Variants in GRM5 observed in about 807,000 individuals in gnomAD.
GRM5 encodes the protein glutamate metabotropic receptor 5, also known as metabotropic glutamate receptor 5.
A neutral mutation model predicts 83.1 loss-of-function variants in GRM5; 19 were observed. The ratio of observed to expected loss-of-function variants is 0.23; its 90% CI spans 0.16 to 0.34. The LOEUF is 0.34. Ranked by LOEUF, GRM5 falls within the 10% of genes least tolerant of loss-of-function variation. The pLI, the probability that GRM5 is intolerant of heterozygous loss-of-function variation, is 1.00. For missense variants in GRM5, 1,160 were observed against 1,588.3 expected, an observed-to-expected ratio of 0.73 and a Z score of 4.58; for synonymous variants, 675 against 633.6, an observed-to-expected ratio of 1.07 and a Z score of -0.98.
At chr11:88,676,697 C>T (rs1270158492) in intron 3 of GRM5, among the ~76,000 whole-genome samples, 1 of 151,970 alleles carries the variant, frequency 6.6e-6, no homozygotes, top group Admixed American at 6.6e-5. Flanking sequence ...ATGAATCCCT[C>T]AATTCAAATA....
At chr11:89,035,185 C>T (rs1293248961) in intron 2 of GRM5, among the ~76,000 whole-genome samples, 1 of 151,590 alleles carries the variant, frequency 6.6e-6, no homozygotes, top group Admixed American at 6.6e-5. Flanking sequence ...TTTATGAAAT[C>T]ATTTCCATAA....
intron 2 of GRM5, among the ~76,000 whole-genome samples, chr11:88,934,392 A>G (rs1937822413): frequency 6.6e-6 from 1 of 151,912 alleles, no homozygotes; most frequent in African/African-American, 2.4e-5. Flanking sequence ...TCTATTTGTC[A>G]TGTTATTTTT....
chr11:88,574,167 T>C (rs916605773), intron 7 of GRM5, among the ~76,000 whole-genome samples: 2 of 152,188 alleles, frequency 1.3e-5, no homozygotes, highest in Non-Finnish European at 2.9e-5. Flanking sequence ...CACAAACGGG[T>C]CCTCAGTACT....
chr11:88,585,238 G>A (rs751929663), intron 7 of GRM5, among the ~76,000 whole-genome samples: 22 of 152,184 alleles, frequency 1.4e-4, no homozygotes, highest in Non-Finnish European at 1.3e-4. Flanking sequence ...TCCTTAGGAA[G>A]GTTCCAGTGT....
intron 2 of GRM5, among the ~76,000 whole-genome samples, chr11:88,891,881 A>T (rs1308660108): frequency 6.6e-6 from 1 of 152,044 alleles, no homozygotes; most frequent in Non-Finnish European, 1.5e-5. Flanking sequence ...ATCAAGTGAA[A>T]CAAGAGTTGT....
intron 1 of GRM5, among the ~76,000 whole-genome samples, chr11:89,050,144 A>C (rs1941727735): frequency 6.6e-6 from 1 of 152,214 alleles, no homozygotes; most frequent in African/African-American, 2.4e-5. Flanking sequence ...ATTGAGATAC[A>C]GTATACATGT....
At chr11:89,026,421 C>T (rs1164787522) in intron 2 of GRM5, among the ~76,000 whole-genome samples, 2 of 152,182 alleles carry the variant, frequency 1.3e-5, no homozygotes, top group Non-Finnish European at 2.9e-5. Flanking sequence ...TTCATATAGA[C>T]ACTTTATACT....
rs573883867 is a variant in GRM5 at position 88,854,434 on chromosome 11, G to A, written c.662-4279C>T. Among the ~76,000 whole-genome samples the A allele has an allele frequency of 3.3e-3, 498 of 151,876 alleles. 1 individual carries two copies. Among genetic ancestry groups the A allele is most frequent in the African/African-American group, 6.9e-3 (287 of 41,482 alleles). On this transcript the variant is annotated intron_variant, in intron 2 of 9. Coordinates refer to ENST00000305447, the MANE Select transcript of GRM5 (RefSeq NM_001143831.3). ...AGGACCCCAGTTTTTTCCTCAGATC[G>A]TAACAGATTTTAATAATTCAACCTC...
chr11:88,703,488 T>G (rs1357601001), intron 3 of GRM5, among the ~76,000 whole-genome samples: 1 of 152,048 alleles, frequency 6.6e-6, no homozygotes, highest in Non-Finnish European at 1.5e-5. Flanking sequence ...ATTAGGGGTT[T>G]TTAGTTTGAA....
chr11:88,521,795 C>A (rs758075023), intron 9 of GRM5, among the ~76,000 whole-genome samples: 6 of 152,172 alleles, frequency 3.9e-5, no homozygotes, highest in Non-Finnish European at 7.4e-5. Flanking sequence ...ATGTTATATT[C>A]TCATTCCTTT....
chr11:88,789,289 T>C (rs1943127948), intron 3 of GRM5, among the ~76,000 whole-genome samples: 1 of 151,882 alleles, frequency 6.6e-6, no homozygotes. Context: ...AAGAAGGAAA[T>C]TGTGGGTGAT....
rs369951090 is a variant in GRM5 at position 88,928,907 on chromosome 11, T to TATATAC, written c.662-78753_662-78752insGTATAT. Among the ~76,000 whole-genome samples, 619 of 138,742 alleles carry TATATAC rather than the reference T, an allele frequency of 4.5e-3. 9 individuals carry two copies. The highest frequency in any genetic ancestry group is 9.0e-3 in the East Asian group (43 of 4,780). 91.0% of individuals were successfully genotyped at this position (138,742 alleles called of 152,430 possible). On this transcript the variant is annotated intron_variant, in intron 2 of 9. Transcript: ENST00000305447. ...GTTTGTACCTATGTGTATGTGTATA[T>TATATAC]ACACACACACACACACACACACACA...
rs199656847 is a variant in GRM5, at chr11:88,508,809, C to T, written c.3422G>A (p.Arg1141Gln). The T allele has an allele frequency of 1.6e-4, 250 of 1,521,852 alleles. No homozygotes were observed. The highest frequency in any genetic ancestry group is 2.1e-4 in the Non-Finnish European group (233 of 1,135,038). 94.3% of individuals were successfully genotyped at this position (1,521,852 alleles called of 1,614,324 possible). The stretch of plus-strand genomic sequence containing the variant: ...CTCGGGACCGGCCGCGGGGCTCTCC[C>T]GGGCCGCGTCCCCAGCCGCCTGCGC... The part of the protein sequence containing the change: ...AGAQAAGDAA[R>Q]ESPAAGPEAA... Residue 1141 changes from arginine to glutamine, a missense_variant, in exon 10 of 10, where the codon CGG (arginine) becomes CAG (glutamine). Arg to Gln is a conservative substitution (Grantham distance 43). This residue lies in a region of GRM5 where 562 missense variants were observed against 532.4 expected (regional missense o/e 1.06). Transcript: ENST00000305447. The surrounding 1 kb of genome is among the most constrained non-coding windows in gnomAD (Gnocchi z 4.2).
At chr11:88,962,872 C>T (rs1249548813) in intron 2 of GRM5, among the ~76,000 whole-genome samples, 8 of 152,122 alleles carry the variant, frequency 5.3e-5, no homozygotes, top group Admixed American at 3.3e-4. Context: ...TGGCAGATCA[C>T]GAGGTCAAGA....
At chr11:88,886,275 G>T (rs1945043692) in intron 2 of GRM5, among the ~76,000 whole-genome samples, 1 of 152,106 alleles carries the variant, frequency 6.6e-6, no homozygotes, top group South Asian at 2.1e-4. Context: ...CAAACCCTGG[G>T]TTTACACCCC....
At position 88,563,882 on chromosome 11, in the gene GRM5, T is replaced by TA. The variant is rs1413410590; in HGVS notation, c.2630+3170dup. On this transcript the variant is annotated intron_variant, in intron 8 of 9. Transcript: ENST00000305447. The stretch of plus-strand genomic sequence containing the variant: ...TCCCTGCATAACCAGCTATATCCTA[T>TA]AGTGTAATAAATATGCTAAACATCA... Among the ~76,000 whole-genome samples the TA allele has an allele frequency of 2.0e-5, 3 of 152,178 alleles. No individual in the cohort carries two copies. In the East Asian group the frequency reaches 5.8e-4, roughly 29 times the overall value.
At chr11:88,632,532 G>A (rs934622916) in intron 4 of GRM5, among the ~76,000 whole-genome samples, 25 of 152,096 alleles carry the variant, frequency 1.6e-4, no homozygotes, top group African/African-American at 5.8e-4. Flanking sequence ...TTTTTGCTGT[G>A]TTGTTGGGTG....
intron 2 of GRM5, among the ~76,000 whole-genome samples, chr11:89,042,751 T>C (rs1314972247): frequency 1.3e-5 from 2 of 152,228 alleles, no homozygotes; most frequent in Non-Finnish European, 2.9e-5. Flanking sequence ...AACAAGCATA[T>C]AGACTATGAA....
chr11:88,889,558 G>T (rs1828158), intron 2 of GRM5, among the ~76,000 whole-genome samples: 1 of 152,132 alleles, frequency 6.6e-6, no homozygotes, highest in Non-Finnish European at 1.5e-5. Context: ...TAACTGCTTG[G>T]CATAGCTAAA....
Sources: allele counts gnomAD v4.1 joint callset (sites outside exome capture counted in the v4.1 genomes callset), GRCh38; gene constraint gnomAD v4.1.1; regional missense constraint gnomAD v4.1.1; non-coding constraint Gnocchi (gnomAD v3.1); transcripts MANE v1.5; gene names NCBI Gene and HGNC (gene_info 2026-07-23, HGNC 2026-07-21).